The following CP variants were observed in gnomAD, a reference collection of about 807,000 sequenced individuals.
CP encodes the protein ceruloplasmin.
In CP, 64 loss-of-function variants were observed where a neutral mutation model predicts 122.4. The ratio of observed to expected loss-of-function variants is 0.52; its 90% CI spans 0.43 to 0.64. The LOEUF is 0.64. Ranked by LOEUF, CP falls within the 30% of genes least tolerant of loss-of-function variation. CP has a pLI of 0.00. For missense variants in CP, 1,167 were observed against 1,284.4 expected (o/e 0.91, Z 1.40); for synonymous variants, 440 against 436.4 (o/e 1.01, Z -0.10).
At chr3:149,209,022 TG>T (rs143841834) in intron 4 of CP, among the ~76,000 whole-genome samples, 188 bp downstream of exon 4, 1 of 152,318 alleles carries the variant, frequency 6.6e-6, no homozygotes, top group Non-Finnish European at 1.5e-5. Context: ...TTGGTGTATC[TG>T]GCTTTACCTG....
intron 9 of CP, among the ~76,000 whole-genome samples, chr3:149,190,594 G>A (rs1726475990): frequency 6.7e-6 from 1 of 149,600 alleles, no homozygotes; most frequent in African/African-American, 2.5e-5. Flanking sequence ...GCAGGTGGAG[G>A]TTGCAGTGAG....
At chr3:149,187,841 T>A in intron 10 of CP, 1 of 559,254 alleles carries the variant, frequency 1.8e-6, no homozygotes, top group African/African-American at 1.9e-5. Context: ...TTAAGGACCA[T>A]TCATGTAATT....
chr3:149,172,183 A>T, downstream of CP: 1 of 1,613,716 alleles, frequency 6.2e-7, no homozygotes, highest in Non-Finnish European at 8.5e-7. Flanking sequence ...TTTTCTTGCC[A>T]TATCTTCTCT....
chr3:149,176,570 T>C, intron 17 of CP, 158 bp from the exon 18 acceptor site: 1 of 634,188 alleles, frequency 1.6e-6, no homozygotes, highest in Admixed American at 2.7e-5. Context: ...TAAAATGTGG[T>C]TTTTGTATTC....
chr3:149,218,442 C>T (rs73019065), intron 1 of CP, among the ~76,000 whole-genome samples: 1 of 152,150 alleles, frequency 6.6e-6, no homozygotes, highest in South Asian at 2.1e-4. Context: ...TTCCACTTCA[C>T]TCTTTTAGAA....
intron 4 of CP, chr3:149,166,905 C>A (rs1304739160): frequency 6.7e-6 from 5 of 745,058 alleles, no homozygotes; most frequent in Non-Finnish European, 1.2e-5. Flanking sequence ...CGTGCATGTG[C>A]TCTAATATGG....
chr3:149,186,769 T>C (rs1173057772), intron 10 of CP, 37 bp from the exon 11 acceptor site: 10 of 1,579,750 alleles, frequency 6.3e-6, no homozygotes, highest in Non-Finnish European at 8.7e-6. Flanking sequence ...GGAAGTGGTT[T>C]AGATTCTACT....
intron 7 of CP, among the ~76,000 whole-genome samples, chr3:149,200,817 G>A (rs1222559813): frequency 6.6e-6 from 1 of 151,926 alleles, no homozygotes; most frequent in Non-Finnish European, 1.5e-5. Flanking sequence ...GCCAAGTTGA[G>A]TAACTTTCAA....
Position 149,195,564 on chromosome 3 carries a change from G to A in CP, c.1713+2803C>T, listed in dbSNP as rs578231638. On this transcript the variant is annotated intron_variant, in intron 9 of 18. Transcript: ENST00000264613. ...TATGAAGAGATGTTCAGATTCTATT[G>A]TGAAGTGAAAAAAGCAAAGATATGA... Among the ~76,000 whole-genome samples the A allele has an allele frequency of 6.6e-5, 10 of 152,258 alleles. No individual in the cohort carries two copies. The East Asian group carries it at 1.3e-3, about 21-fold the overall frequency.
downstream of CP, among the ~76,000 whole-genome samples, chr3:149,168,698 A>C (rs143479686): frequency 1.1e-3 from 165 of 152,242 alleles, no homozygotes; most frequent in Non-Finnish European, 1.9e-3. Context: ...TTAAAGCTGT[A>C]TGCTTGTGAT....
At chr3:149,184,892 T>TA (rs1327503968) in intron 12 of CP, among the ~76,000 whole-genome samples, 1 of 152,210 alleles carries the variant, frequency 6.6e-6, no homozygotes, top group Non-Finnish European at 1.5e-5. Context: ...AAACAGTTGC[T>TA]AAGGGGAGTA....
At chr3:149,179,304 T>C (rs1057173238) in intron 15 of CP, among the ~76,000 whole-genome samples, 1 of 152,208 alleles carries the variant, frequency 6.6e-6, no homozygotes, top group African/African-American at 2.4e-5. Flanking sequence ...AGTGGCTACC[T>C]GTGACCCACA....
chr3:149,182,464 G>T (rs771046991), intron 13 of CP, among the ~76,000 whole-genome samples: 42 of 152,050 alleles, frequency 2.8e-4, no homozygotes, highest in Non-Finnish European at 5.1e-4. Flanking sequence ...CTCTTGTCTG[G>T]TAGGATTTTT....
At chr3:149,172,244 A>G (rs1214803117), downstream of CP, 3 of 1,607,644 alleles carry the variant, frequency 1.9e-6, no homozygotes, top group Non-Finnish European at 2.6e-6. Context: ...GAAAAATACC[A>G]TAATGGCATT....
chr3:149,208,148 AG>A (rs981297806), intron 4 of CP, among the ~76,000 whole-genome samples: 1 of 152,054 alleles, frequency 6.6e-6, no homozygotes, highest in African/African-American at 2.4e-5. Flanking sequence ...GATATGAAGG[AG>A]GGAAAAAATG....
At position 149,199,839 on chromosome 3, in the gene CP, T is replaced by G; in HGVS notation, c.1374A>C (p.Gly458=). Residue 458 remains glycine, a synonymous_variant, in exon 8 of 19, where the codon GGA becomes GGC. Coordinates refer to ENST00000264613, the MANE Select transcript of CP (RefSeq NM_000096.4). ...ILGPVIWAEV[G]DTIRVTFHNK... The stretch of plus-strand genomic sequence containing the variant: ...TATGGAAGGTTACTCTGATGGTGTC[T>G]CCCACCTCTGCCCAAATGACAGGAC... 1 of 1,614,124 alleles carries G rather than the reference T, an allele frequency of 6.2e-7. No individual in the cohort carries two copies. The highest frequency in any genetic ancestry group is 8.5e-7 in the Non-Finnish European group (1 of 1,179,984).
intron 14 of CP, among the ~76,000 whole-genome samples, chr3:149,181,735 C>T (rs1397919402): frequency 2.0e-5 from 3 of 152,082 alleles, no homozygotes; most frequent in Non-Finnish European, 4.4e-5. Flanking sequence ...TCTAGCTGAG[C>T]GAGGAGACAG....
intron 9 of CP, among the ~76,000 whole-genome samples, chr3:149,189,829 A>G (rs1294470730): frequency 6.6e-6 from 1 of 152,178 alleles, no homozygotes; most frequent in African/African-American, 2.4e-5. Context: ...ATGCAATAAA[A>G]TTAAAAATTA....
chr3:149,165,846 A>G, intron 5 of CP: 2 of 362,472 alleles, frequency 5.5e-6, no homozygotes, highest in South Asian at 4.3e-5. Context: ...AGACCTTTTG[A>G]GTGAGAGATT....
Sources: allele counts gnomAD v4.1 joint callset (sites outside exome capture counted in the v4.1 genomes callset), GRCh38; gene constraint gnomAD v4.1.1; transcripts MANE v1.5; gene names NCBI Gene and HGNC (gene_info 2026-07-23, HGNC 2026-07-21).